Variants in RBFOX1 observed in about 807,000 individuals in gnomAD.
The protein encoded by RBFOX1 is RNA binding protein fox-1 homolog 1.
Under a neutral mutation model 57.7 loss-of-function variants are expected in RBFOX1, and 8 were observed. That is an observed-to-expected ratio of 0.14 (90% CI 0.08 to 0.25). The LOEUF (loss-of-function observed/expected upper bound fraction) is 0.25, where lower values mean the gene tolerates loss of function less well. Ranked by LOEUF, RBFOX1 falls within the 10% of genes least tolerant of loss-of-function variation. The pLI is 1.00. For synonymous variants in RBFOX1, 326 were observed against 222.4 expected, an observed-to-expected ratio of 1.47 and a Z score of -4.15; for missense variants, 611 against 548.5, an observed-to-expected ratio of 1.11 and a Z score of -1.14.
chr16:5,479,367 A>G (rs1457078697), intron 2 of RBFOX1, among the ~76,000 whole-genome samples: 1 of 152,182 alleles, frequency 6.6e-6, no homozygotes, highest in African/African-American at 2.4e-5. Context: ...CAGCTAGGAG[A>G]GATTAGAGAT....
At chr16:6,256,135 A>ATG (rs2097659787) in intron 1 of RBFOX1, among the ~76,000 whole-genome samples, 13 of 29,158 alleles carry the variant, frequency 4.5e-4, no homozygotes, top group East Asian at 6.4e-3. Flanking sequence ...AAATATATAT[A>ATG]TATGTGTGTA....
In RBFOX1 at chr16:6,171,027, T is replaced by C. The variant is rs2096956341; in HGVS notation, c.-126-145968T>C. Among the ~76,000 whole-genome samples the C allele has an allele frequency of 2.0e-5, 3 of 152,206 alleles. No individual in the cohort carries two copies. The South Asian group carries it at 6.2e-4, about 32-fold the overall frequency. On this transcript the variant is annotated intron_variant, in intron 1 of 15. Transcript: ENST00000550418. ...TAGGTTGATGCCATGTCTTTGCTAT[T>C]GTGAATAGTGCTGCAGTGAACATTT...
chr16:6,682,694 C>G lies in RBFOX1; in HGVS notation c.-16+28044C>G, dbSNP rs1005860202. On this transcript the variant is annotated intron_variant, in intron 3 of 15. Transcript: ENST00000550418. ...CTAGATGCCGCCATGTGTCCCCCGGCGCGCAAAATTGCCCCCTGTTTGACG... is the reference window on the plus strand; with the variant it reads ...CTAGATGCCGCCATGTGTCCCCCGGGGCGCAAAATTGCCCCCTGTTTGACG... 3.9e-5 allele frequency among the ~76,000 whole-genome samples: 6 copies of G among 151,902 alleles called. No homozygotes were observed. In the South Asian group the frequency reaches 1.3e-3, roughly 32 times the overall value.
intron 4 of RBFOX1, among the ~76,000 whole-genome samples, chr16:7,124,079 C>A (rs2151855065): frequency 6.6e-6 from 1 of 152,218 alleles, no homozygotes; most frequent in East Asian, 1.9e-4. Context: ...CATGACCCTC[C>A]CAAATGCCCA....
chr16:7,469,390 C>G (rs921559461), intron 4 of RBFOX1, among the ~76,000 whole-genome samples: 4 of 152,082 alleles, frequency 2.6e-5, no homozygotes, highest in African/African-American at 9.7e-5. Context: ...AATTCCTAAA[C>G]CTATGAGGCT....
At chr16:6,183,110 A>G (rs751207107) in intron 1 of RBFOX1, among the ~76,000 whole-genome samples, 5 of 152,128 alleles carry the variant, frequency 3.3e-5, no homozygotes, top group African/African-American at 4.8e-5. Context: ...TTTGTGTTCT[A>G]TTGGGTGTCA....
intron 1 of RBFOX1, among the ~76,000 whole-genome samples, chr16:6,217,754 C>T (rs1489760883): frequency 6.6e-6 from 1 of 152,156 alleles, no homozygotes; most frequent in Non-Finnish European, 1.5e-5. Context: ...GTGGCTCGTG[C>T]CTGTAATCCC....
intron 1 of RBFOX1, among the ~76,000 whole-genome samples, chr16:6,242,578 C>G (rs1417293044): frequency 6.7e-6 from 1 of 150,240 alleles, no homozygotes; most frequent in Non-Finnish European, 1.5e-5. Context: ...TTATGCAACT[C>G]TCTGCTTGTT....
At chr16:5,508,628 G>T (rs957084268) in intron 2 of RBFOX1, among the ~76,000 whole-genome samples, 3 of 151,860 alleles carry the variant, frequency 2.0e-5, no homozygotes, top group Non-Finnish European at 2.9e-5. Context: ...TGGGGGTGGG[G>T]GGACTGCACA....
rs528042515 is a variant in RBFOX1 at position 7,563,928 on chromosome 16, G to C, written c.271-15849G>C. ...CTGTACCACCGGGGCCTGATGTATA[G>C]TAGGTGCTCAGTAAATATATTTTGA... On this transcript the variant is annotated intron_variant, in intron 5 of 15. Transcript: ENST00000550418. Among the ~76,000 whole-genome samples the C allele has an allele frequency of 4.6e-5, 7 of 152,282 alleles. No homozygotes were observed. In the East Asian group the frequency reaches 1.4e-3, roughly 29 times the overall value.
rs2091606474 is a variant in RBFOX1, at chr16:6,823,204, ATTCTAC to A, written c.-16+168558_-16+168563del. Among the ~76,000 whole-genome samples, 5 of 151,358 alleles carry A rather than the reference ATTCTAC, an allele frequency of 3.3e-5. No individual in the cohort carries two copies. In the South Asian group the frequency reaches 8.4e-4, roughly 26 times the overall value. ...CTGTGTTCCTTCTTAAGCATTAAGC[ATTCTAC>A]TTCACTGACCTCTTGGCCCATCTGA... On this transcript the variant is annotated intron_variant, in intron 3 of 15. Transcript: ENST00000550418.
At chr16:6,371,176 G>A (rs1015506977) in intron 2 of RBFOX1, among the ~76,000 whole-genome samples, 1 of 152,134 alleles carries the variant, frequency 6.6e-6, no homozygotes, top group African/African-American at 2.4e-5. Flanking sequence ...TTAATACATA[G>A]TTTGGGGGTG....
chr16:5,821,056 A>C (rs571966132), intron 3 of RBFOX1, among the ~76,000 whole-genome samples: 1 of 151,910 alleles, frequency 6.6e-6, no homozygotes, highest in Non-Finnish European at 1.5e-5. Flanking sequence ...TTCCCTAGAC[A>C]TGCTGCCCTG....
chr16:6,088,026 C>T (rs1474328984), intron 1 of RBFOX1, among the ~76,000 whole-genome samples: 1 of 152,094 alleles, frequency 6.6e-6, no homozygotes, highest in Non-Finnish European at 1.5e-5. Context: ...TCTAATCAAG[C>T]ATATTTTCAC....
At chr16:6,963,970 T>C (rs2083550128) in intron 3 of RBFOX1, among the ~76,000 whole-genome samples, 2 of 151,990 alleles carry the variant, frequency 1.3e-5, no homozygotes, top group Admixed American at 1.3e-4. Flanking sequence ...AGTGCTGGGA[T>C]TACAGGCGTG....
intron 14 of RBFOX1, chr16:7,693,423 T>TC (rs1163626368): frequency 2.2e-6 from 3 of 1,361,092 alleles, no homozygotes; most frequent in Non-Finnish European, 3.1e-6. Flanking sequence ...ATCCTTTTTT[T>TC]TTTTTTTTTT....
chr16:6,116,476 G>A (rs892350370), intron 1 of RBFOX1, among the ~76,000 whole-genome samples: 4 of 152,188 alleles, frequency 2.6e-5, no homozygotes, highest in African/African-American at 9.7e-5. Flanking sequence ...GCTGTAGGAA[G>A]ATACTACCAT....
intron 4 of RBFOX1, among the ~76,000 whole-genome samples, chr16:7,312,019 G>A (rs1029048249): frequency 1.3e-5 from 2 of 152,190 alleles, no homozygotes; most frequent in Admixed American, 6.5e-5. Context: ...TATTAAGTAA[G>A]ATGCAAATGG....
intron 3 of RBFOX1, among the ~76,000 whole-genome samples, chr16:5,852,372 G>C (rs981682316): frequency 1.3e-5 from 2 of 152,194 alleles, no homozygotes; most frequent in African/African-American, 4.8e-5. Flanking sequence ...ACATGAGGCA[G>C]CAAAGATGTG....
Sources: gnomAD v4.1 joint callset for allele counts (sites outside exome capture counted in the v4.1 genomes callset) on GRCh38, gnomAD v4.1.1 for gene constraint, MANE v1.5 for transcripts, NCBI Gene and HGNC (gene_info 2026-07-23, HGNC 2026-07-21) for gene names.